Variants in COL22A1 observed in about 807,000 individuals in gnomAD.
The protein encoded by COL22A1 is collagen alpha-1(XXII) chain.
COL22A1 carries 221 observed loss-of-function variants against 248.9 expected under a neutral mutation model. The observed-to-expected ratio is 0.89, with a 90% confidence interval of 0.80 to 0.99. COL22A1 has a LOEUF of 0.99. Ranked by LOEUF, COL22A1 falls within the 50% of genes least tolerant of loss-of-function variation. The pLI is 0.00. For synonymous variants in COL22A1, 891 were observed against 793.4 expected (o/e 1.12, Z -2.07); for missense variants, 2,240 against 2,179.0 (o/e 1.03, Z -0.56).
chr8:138,805,108 T>C, intron 10 of COL22A1, among the ~76,000 whole-genome samples: 1 of 141,250 alleles, frequency 7.1e-6, no homozygotes, highest in South Asian at 2.4e-4. Flanking sequence ...TGGTGGTGTG[T>C]GTGTGATGGT....
In COL22A1 at chr8:138,714,742, C is replaced by T. The variant is rs567106913; in HGVS notation, c.2517+940G>A. Among the ~76,000 whole-genome samples the T allele has an allele frequency of 8.3e-4, 126 of 152,258 alleles. 1 individual carries two copies. The highest frequency in any genetic ancestry group is 9.8e-4 in the Non-Finnish European group (67 of 68,024). On this transcript the variant is annotated intron_variant, in intron 30 of 64. Transcript: ENST00000303045. ...ACAATGCCAACGAAGCCTCTCTGTG[C>T]ACTTCAGGGCACACAGTAGGGCTCC...
chr8:138,759,966 A>T (rs1279587683), intron 18 of COL22A1, among the ~76,000 whole-genome samples: 1 of 151,776 alleles, frequency 6.6e-6, no homozygotes, highest in Non-Finnish European at 1.5e-5. Context: ...TCTAAATATT[A>T]TATAACAGAA....
Position 138,905,927 on chromosome 8 carries a change from A to C in COL22A1, c.-73+7692T>G, listed in dbSNP as rs115339284. ...TACCTCAGAATTTATTTTTCTTGCC[A>C]GACAGACTCCTATTCATCCTTCAAA... On this transcript the variant is annotated intron_variant, in intron 1 of 64. Coordinates refer to ENST00000303045, the MANE Select transcript of COL22A1 (RefSeq NM_152888.3). Among the ~76,000 whole-genome samples, 221 of 152,238 alleles carry C rather than the reference A, an allele frequency of 1.5e-3. 1 individual carries two copies. Among genetic ancestry groups the C allele is most frequent in the African/African-American group, 5.0e-3 (208 of 41,526 alleles).
chr8:138,713,660 C>T (rs1283634960), intron 30 of COL22A1, among the ~76,000 whole-genome samples: 2 of 152,040 alleles, frequency 1.3e-5, no homozygotes, highest in African/African-American at 2.4e-5. Context: ...AGTCTAAAGC[C>T]TCACCCCTGA....
chr8:138,755,926 C>T, intron 18 of COL22A1, 97 bp from the exon 19 acceptor site: 2 of 978,644 alleles, frequency 2.0e-6, no homozygotes, highest in Non-Finnish European at 3.3e-6. Flanking sequence ...CCCAGGGGAC[C>T]ACACCCCTCC....
chr8:138,661,277 G>A (rs1446912913), intron 43 of COL22A1, among the ~76,000 whole-genome samples: 1 of 152,102 alleles, frequency 6.6e-6, no homozygotes, highest in East Asian at 1.9e-4. Flanking sequence ...CCTTCTCTTT[G>A]GAAACAGAAC....
intron 13 of COL22A1, 134 bp from the exon 14 acceptor site, chr8:138,779,696 G>A: frequency 1.6e-6 from 1 of 637,282 alleles, no homozygotes; most frequent in South Asian, 1.9e-5. Flanking sequence ...AGCCACCAGT[G>A]AGCAGGGCCC....
chr8:138,862,759 G>GT lies in COL22A1; in HGVS notation c.658+14990dup, dbSNP rs55690333. Reference sequence around the variant, plus strand: ...AAAATGTTTGCAGCAAAGATACAAGGTTTTTTTTTTTTTTTTTCATGTTTT... The same window carrying GT: ...AAAATGTTTGCAGCAAAGATACAAGGTTTTTTTTTTTTTTTTTTCATGTTTT... On this transcript the variant is annotated intron_variant, in intron 3 of 64. Coordinates refer to ENST00000303045, the MANE Select transcript of COL22A1 (RefSeq NM_152888.3). Among the ~76,000 whole-genome samples, 399 of 145,810 alleles carry GT rather than the reference G, an allele frequency of 2.7e-3. 1 individual carries two copies. Among genetic ancestry groups the GT allele is most frequent in the African/African-American group, 9.1e-3 (359 of 39,496 alleles).
chr8:138,811,062 C>T (rs1818168768), intron 9 of COL22A1, among the ~76,000 whole-genome samples: 1 of 152,152 alleles, frequency 6.6e-6, no homozygotes, highest in African/African-American at 2.4e-5. Flanking sequence ...GTAAATCTTT[C>T]TGTTCCTTCT....
intron 24 of COL22A1, 59 bp downstream of exon 24, chr8:138,725,328 C>A (rs927286218): frequency 1.3e-6 from 2 of 1,541,808 alleles, no homozygotes. Flanking sequence ...GTCCCCAGGT[C>A]CCACAGGCCA....
At chr8:138,854,810 G>T (rs1390735783) in intron 3 of COL22A1, among the ~76,000 whole-genome samples, 1 of 152,092 alleles carries the variant, frequency 6.6e-6, no homozygotes, top group African/African-American at 2.4e-5. Flanking sequence ...TGATGGTGAT[G>T]ATGATGGTGA....
At chr8:138,804,101 TC>T (rs1215108057) in intron 10 of COL22A1, among the ~76,000 whole-genome samples, 1 of 152,112 alleles carries the variant, frequency 6.6e-6, no homozygotes, top group African/African-American at 2.4e-5. Flanking sequence ...CCTGCTCCCT[TC>T]CCCCTGGCCT....
chr8:138,717,991 C>T (rs2131110160), intron 27 of COL22A1, among the ~76,000 whole-genome samples: 1 of 150,876 alleles, frequency 6.6e-6, no homozygotes, highest in Middle Eastern at 3.4e-3. Context: ...ATGTGGTTTT[C>T]TCATGAATGC....
chr8:138,630,544 C>T (rs1207236637), intron 50 of COL22A1, 151 bp downstream of exon 50: 7 of 694,292 alleles, frequency 1.0e-5, no homozygotes, highest in Admixed American at 8.7e-5. Context: ...AACCCTCCAG[C>T]AGTTTCATTG....
intron 6 of COL22A1, among the ~76,000 whole-genome samples, chr8:138,823,663 C>T (rs1819346074): frequency 6.6e-6 from 1 of 152,262 alleles, no homozygotes; most frequent in Non-Finnish European, 1.5e-5. Context: ...GCCTTGGCCT[C>T]TCACAGTGCT....
intron 22 of COL22A1, among the ~76,000 whole-genome samples, chr8:138,749,977 G>A (rs936031384): frequency 6.6e-6 from 1 of 152,178 alleles, no homozygotes; most frequent in Non-Finnish European, 1.5e-5. Flanking sequence ...GGAACCCGGT[G>A]GGAGGTGATT....
rs553173218 is a variant in COL22A1 at position 138,768,999 on chromosome 8, C to G, written c.1804-6533G>C. ...AAATGCTACCTCCCCCATGAAGACT[C>G]TCCCATCTCCTGTCTCTCCAGCCCC... On this transcript the variant is annotated intron_variant, in intron 16 of 64. Coordinates refer to ENST00000303045, the MANE Select transcript of COL22A1 (RefSeq NM_152888.3). 7.9e-5 allele frequency among the ~76,000 whole-genome samples: 12 copies of G among 152,246 alleles called. No homozygotes were observed. The South Asian group carries it at 2.3e-3, about 29-fold the overall frequency.
chr8:138,663,289 C>T (rs962851794), intron 42 of COL22A1, among the ~76,000 whole-genome samples: 1 of 152,236 alleles, frequency 6.6e-6, no homozygotes, highest in African/African-American at 2.4e-5. Context: ...CAGGTCTCCA[C>T]AGTGGCTCCC....
At chr8:138,737,373 G>A in intron 23 of COL22A1, 151 bp downstream of exon 23, 1 of 617,668 alleles carries the variant, frequency 1.6e-6, no homozygotes, top group Non-Finnish European at 3.0e-6. Context: ...GAGGAGGGAG[G>A]GAGGACACGT....
Sources: gnomAD v4.1 joint callset for allele counts (sites outside exome capture counted in the v4.1 genomes callset) on GRCh38, gnomAD v4.1.1 for gene constraint, MANE v1.5 for transcripts, NCBI Gene and HGNC (gene_info 2026-07-23, HGNC 2026-07-21) for gene names.